Variants in FKBP1A observed in about 807,000 individuals in gnomAD.
FKBP1A encodes the protein peptidyl-prolyl cis-trans isomerase FKBP1A.
FKBP1A carries 5 observed loss-of-function variants against 14.2 expected under a neutral mutation model. The observed-to-expected ratio is 0.35, with a 90% confidence interval of 0.18 to 0.74. The LOEUF is 0.74. Among genes scored for constraint, FKBP1A ranks in the 30% least tolerant of loss-of-function variants. The pLI is 0.56. For synonymous variants in FKBP1A, 42 were observed against 49.1 expected, an observed-to-expected ratio of 0.86 and a Z score of 0.60; for missense variants, 53 against 138.8, an observed-to-expected ratio of 0.38 and a Z score of 3.10.
In FKBP1A at chr20:1,375,608, G is replaced by GA; in HGVS notation, c.86-6dup. ...TCTTTCCATCTTCAAGCATCCCTGT[G>GA]AAAAAGACGACTGTAACATGAGCAG... On this transcript the variant is annotated splice_region_variant and splice_polypyrimidine_tract_variant and intron_variant, in intron 2 of 4. Coordinates refer to ENST00000400137, the MANE Select transcript of FKBP1A (RefSeq NM_000801.5). 2 of 1,598,182 alleles carry GA rather than the reference G, an allele frequency of 1.3e-6. No homozygotes were observed. The highest frequency in any genetic ancestry group is 1.7e-6 in the Non-Finnish European group (2 of 1,165,608).
At position 1,391,346 on chromosome 20, in the gene FKBP1A, G is replaced by A. The variant is rs562689935; in HGVS notation, c.85+1488C>T. ...CGATGACAAATCACCAAAAGGATGC[G>A]CTTTCATCTACCAGACCTCCCAGGC... is the stretch of plus-strand genomic sequence containing the variant. On this transcript the variant is annotated intron_variant, in intron 2 of 4. Coordinates refer to ENST00000400137, the MANE Select transcript of FKBP1A (RefSeq NM_000801.5). 1.7e-4 allele frequency among the ~76,000 whole-genome samples: 26 copies of A among 152,258 alleles called. No homozygotes were observed. The South Asian group carries it at 4.6e-3, about 27-fold the overall frequency.
At chr20:1,377,839 G>A (rs1456802057) in intron 2 of FKBP1A, 2 of 152,236 alleles carry the variant, frequency 1.3e-5, no homozygotes, top group African/African-American at 4.8e-5. Flanking sequence ...GGCAGGGCCT[G>A]TGAGCCACAA....
intron 4 of FKBP1A, chr20:1,371,037 G>C: frequency 1.0e-6 from 1 of 985,414 alleles, no homozygotes; most frequent in Non-Finnish European, 1.2e-6. Context: ...TGCACAACAG[G>C]ACCAGGTTAC....
At chr20:1,391,732 GGAGGAGGAA>G in intron 2 of FKBP1A, 1 of 383,872 alleles carries the variant, frequency 2.6e-6, no homozygotes, top group Non-Finnish European at 4.6e-6. Flanking sequence ...CTACTACCCA[GGAGGAGGAA>G]GAGGAGGAGA....
At chr20:1,382,949 T>G (rs1273236298) in intron 2 of FKBP1A, among the ~76,000 whole-genome samples, 1 of 152,154 alleles carries the variant, frequency 6.6e-6, no homozygotes, top group Admixed American at 6.5e-5. Flanking sequence ...TTCCTGTTGC[T>G]TTTCAAGGAA....
At chr20:1,374,698 G>C (rs993786374) in intron 3 of FKBP1A, 1 of 152,162 alleles carries the variant, frequency 6.6e-6, no homozygotes, top group Non-Finnish European at 1.5e-5. Flanking sequence ...GTCTGTACAA[G>C]GTGAGTTACT....
chr20:1,389,325 C>T (rs568667038), intron 2 of FKBP1A, among the ~76,000 whole-genome samples: 18 of 152,326 alleles, frequency 1.2e-4, no homozygotes, highest in African/African-American at 3.8e-4. Flanking sequence ...ACAGTTACAG[C>T]CTGTGTGCCT....
intron 2 of FKBP1A, chr20:1,376,881 A>G (rs1438765490): frequency 6.6e-6 from 1 of 152,208 alleles, no homozygotes; most frequent in Non-Finnish European, 1.5e-5. Context: ...AGGAACAGAC[A>G]TCTGCAATAG....
At chr20:1,383,399 C>A (rs769347504) in intron 2 of FKBP1A, among the ~76,000 whole-genome samples, 127 of 151,392 alleles carry the variant, frequency 8.4e-4, no homozygotes, top group Non-Finnish European at 1.5e-3. Context: ...TAACAAAAAA[C>A]CAGAATATCC....
intron 3 of FKBP1A, among the ~76,000 whole-genome samples, chr20:1,372,845 T>C (rs962696309): frequency 6.6e-6 from 1 of 152,370 alleles, no homozygotes; most frequent in African/African-American, 2.4e-5. Flanking sequence ...TGGAAGGACA[T>C]ACCAGACATT....
intron 2 of FKBP1A, among the ~76,000 whole-genome samples, chr20:1,381,047 G>A (rs2089611835): frequency 1.3e-5 from 2 of 152,158 alleles, no homozygotes; most frequent in African/African-American, 2.4e-5. Context: ...TTGTGACCTC[G>A]AGTTGGGTGA....
intron 2 of FKBP1A, chr20:1,377,439 G>GGAACTGGTGCCCCA (rs1292552595): frequency 6.6e-6 from 1 of 152,232 alleles, no homozygotes; most frequent in Non-Finnish European, 1.5e-5. Context: ...CCTGCTCCAA[G>GGAACTGGTGCCCCA]GAACTGGTGC....
chr20:1,385,259 G>A (rs1346133320), intron 2 of FKBP1A, among the ~76,000 whole-genome samples: 1 of 151,932 alleles, frequency 6.6e-6, no homozygotes, highest in Non-Finnish European at 1.5e-5. Context: ...GCATGGTGGC[G>A]TGCGCCTGTA....
intron 2 of FKBP1A, among the ~76,000 whole-genome samples, chr20:1,384,589 A>C (rs1183277327): frequency 1.3e-5 from 2 of 152,252 alleles, no homozygotes; most frequent in Admixed American, 6.5e-5. Flanking sequence ...TTATGTTAGC[A>C]TACCAACTAC....
intron 2 of FKBP1A, among the ~76,000 whole-genome samples, chr20:1,387,682 A>G (rs2089682599): frequency 6.6e-6 from 1 of 152,058 alleles, no homozygotes; most frequent in African/African-American, 2.4e-5. Flanking sequence ...CCGTCTCTAC[A>G]AAAAATACAA....
At chr20:1,390,738 T>C (rs1462636819) in intron 2 of FKBP1A, among the ~76,000 whole-genome samples, 1 of 152,146 alleles carries the variant, frequency 6.6e-6, no homozygotes, top group Non-Finnish European at 1.5e-5. Flanking sequence ...CCTGGGAGGC[T>C]GGTGACAAAG....
intron 4 of FKBP1A, chr20:1,370,673 T>G: frequency 1.0e-6 from 1 of 985,428 alleles, no homozygotes; most frequent in Non-Finnish European, 1.2e-6. Context: ...GCTGAGACAT[T>G]CTTTGGCAGT....
chr20:1,385,623 T>A lies in FKBP1A; in HGVS notation c.85+7211A>T, dbSNP rs73892975. Among the ~76,000 whole-genome samples, 981 of 152,102 alleles carry A rather than the reference T, an allele frequency of 6.4e-3. 10 individuals carry two copies. The highest frequency in any genetic ancestry group is 0.022 in the African/African-American group (930 of 41,492). ...CTGAAAAACTCCTGTGACTCCCCCA[T>A]CTCAGGAGATAAAACTCTTAAAATG... On this transcript the variant is annotated intron_variant, in intron 2 of 4. Transcript: ENST00000400137.
At chr20:1,391,731 A>G in intron 2 of FKBP1A, 1 of 345,508 alleles carries the variant, frequency 2.9e-6, no homozygotes, top group Non-Finnish European at 5.1e-6. Context: ...CCTACTACCC[A>G]GGAGGAGGAA....
Sources: allele counts gnomAD v4.1 joint callset (sites outside exome capture counted in the v4.1 genomes callset), GRCh38; gene constraint gnomAD v4.1.1; transcripts MANE v1.5; gene names NCBI Gene and HGNC (gene_info 2026-07-23, HGNC 2026-07-21).